The following SON variants were observed in gnomAD, a reference collection of about 807,000 sequenced individuals.
SON encodes protein SON.
Under a neutral mutation model 173.3 loss-of-function variants are expected in SON, and 4 were observed. That is an observed-to-expected ratio of 0.02 (90% CI 0.01 to 0.05). The LOEUF (loss-of-function observed/expected upper bound fraction) is 0.05, where lower values mean the gene tolerates loss of function less well. Among genes scored for constraint, SON ranks in the 10% least tolerant of loss-of-function variants. The probability of loss-of-function intolerance (pLI) is 1.00; values close to 1 mark genes in which losing one functional copy is unlikely to be tolerated. For missense variants in SON, 2,626 were observed against 3,055.3 expected, an observed-to-expected ratio of 0.86 and a Z score of 3.31; for synonymous variants, 1,190 against 1,105.9, an observed-to-expected ratio of 1.08 and a Z score of -1.51.
At chr21:33,560,277 T>C in intron 6 of SON, 1 of 1,443,840 alleles carries the variant, frequency 6.9e-7, no homozygotes, top group East Asian at 2.4e-5. Context: ...TTACTGTTTC[T>C]CTGGGTTGTT....
Position 33,576,714 on chromosome 21 carries a change from G to C in SON, c.*290G>C. 2.0e-6 allele frequency: 1 copy of C among 501,984 alleles called. No homozygotes were observed. The highest frequency in any genetic ancestry group is 3.7e-6 in the Non-Finnish European group (1 of 273,752). 31.1% of individuals were successfully genotyped at this position (501,984 alleles called of 1,614,324 possible). A position where few individuals can be genotyped will look rare whatever the true frequency, so the allele number is the denominator to read the frequency against. On this transcript the variant is annotated 3_prime_UTR_variant, in exon 12 of 12. Coordinates refer to ENST00000356577, the MANE Select transcript of SON (RefSeq NM_138927.4). ...AAAACATCTCCAGGCTTTGATTTTT[G>C]TACCATGGAAATTGTATTTAACCAT...
At chr21:33,557,343 T>A (rs748354119) in intron 4 of SON, 27 bp downstream of exon 4, 3 of 1,611,808 alleles carry the variant, frequency 1.9e-6, no homozygotes, top group Non-Finnish European at 2.5e-6. Context: ...TTGTTTTCAT[T>A]CTTAAATGGA....
In SON at chr21:33,552,494, C is replaced by T; in HGVS notation, c.3263C>T (p.Ala1088Val). 2 of 1,614,010 alleles carry T rather than the reference C, an allele frequency of 1.2e-6. No homozygotes were observed. Among genetic ancestry groups the T allele is most frequent in the Non-Finnish European group, 1.7e-6 (2 of 1,179,980 alleles). The change falls in exon 3 of 12, where the codon GCT becomes GTT. Residue 1088 changes from alanine to valine, a missense_variant. Ala to Val is a moderately conservative substitution (Grantham distance 64). This residue lies in a region of SON where 366 missense variants were observed against 448.6 expected (regional missense o/e 0.82). Transcript: ENST00000356577. The surrounding 1 kb of genome is among the most constrained non-coding windows in gnomAD (Gnocchi z 5.6). ...GATCGATCTATGATGTCCATGGGTG[C>T]TGACCGGTCTATGATGTCGTCATAC... ...MADRSMMSMGADRSMMSSYSA... is the reference protein window; with the variant it reads ...MADRSMMSMGVDRSMMSSYSA...
At chr21:33,573,723 T>C (rs2086338167) in intron 9 of SON, among the ~76,000 whole-genome samples, 2 of 152,258 alleles carry the variant, frequency 1.3e-5, no homozygotes, top group Non-Finnish European at 2.9e-5. Context: ...ATTTTATTAT[T>C]ACACCTCCAA....
intron 7 of SON, 131 bp from the exon 8 acceptor site, chr21:33,568,840 A>G: frequency 1.7e-6 from 1 of 587,200 alleles, no homozygotes; most frequent in Non-Finnish European, 3.1e-6. Context: ...TTAGGCAAAC[A>G]TTTAATGTTA....
rs2085614670 is a variant in SON at position 33,546,282 on chromosome 21, A to G, written c.147A>G (p.Ala49=). 1.2e-6 allele frequency: 2 copies of G among 1,613,862 alleles called. No individual in the cohort carries two copies. Among genetic ancestry groups the G allele is most frequent in the Middle Eastern group, 1.6e-4 (1 of 6,062 alleles). ...TPIEGNQAGD[A]AASARSLPNE... is the part of the protein sequence containing the mutation. ...TTGAAGGAAACCAGGCGGGTGATGC[A>G]GCTGCCTCTGCCAGGAGTCTACCAA... is the stretch of plus-strand genomic sequence containing the variant. Residue 49 remains alanine (A), a synonymous_variant, in exon 2 of 12, where the codon GCA becomes GCG. Transcript: ENST00000356577.
Position 33,549,514 on chromosome 21 carries a change from G to A in SON, c.283G>A (p.Val95Ile). 1 of 1,568,098 alleles carries A rather than the reference G, an allele frequency of 6.4e-7. No individual in the cohort carries two copies. The highest frequency in any genetic ancestry group is 8.6e-7 in the Non-Finnish European group (1 of 1,165,946). ...EGSRKSRCVS[V>I]QTDPTDEIPT... ...CTCCAGAAAAAGTAGATGCGTATCT[G>A]TACAAACAGATCCTACTGATGAAAT... The change falls in exon 3 of 12, where the codon GTA becomes ATA. Residue 95 changes from valine to isoleucine, a missense_variant. Transcript: ENST00000356577.
chr21:33,569,913 G>A (rs551433379), intron 8 of SON: 49 of 173,280 alleles, frequency 2.8e-4, no homozygotes, highest in Non-Finnish European at 5.3e-4. Context: ...GAGAATGGAC[G>A]CCTCGTGCTA....
intron 8 of SON, chr21:33,569,855 C>T (rs1022884453): frequency 5.1e-6 from 1 of 195,768 alleles, no homozygotes; most frequent in South Asian, 6.5e-5. Context: ...AATTTGAGAA[C>T]CACTAATTTC....
In SON at chr21:33,553,746, T is replaced by C. The variant is rs1490595159; in HGVS notation, c.4515T>C (p.Ile1505=). 2 of 1,613,948 alleles carry C rather than the reference T, an allele frequency of 1.2e-6. No homozygotes were observed. Among genetic ancestry groups the C allele is most frequent in the South Asian group, 1.1e-5 (1 of 91,084 alleles). ...CTCCAGAGATTGGCATGCAGGAGAT[T>C]GCATTGCATTCAGGTGAAGAACCAC... ...NLAPEIGMQE[I]ALHSGEEPHA... is the part of the protein sequence containing the mutation. The change falls in exon 3 of 12, where the codon ATT becomes ATC. Residue 1505 remains isoleucine, a synonymous_variant. Coordinates refer to ENST00000356577, the MANE Select transcript of SON (RefSeq NM_138927.4).
rs1238412890 is a variant in SON, at chr21:33,549,395, G to A, written c.245-81G>A. 4 of 1,240,526 alleles carry A rather than the reference G, an allele frequency of 3.2e-6. No individual in the cohort carries two copies. The South Asian group carries it at 4.9e-5, about 15-fold the overall frequency. 76.8% of individuals were successfully genotyped at this position (1,240,526 alleles called of 1,614,324 possible). A position where few individuals can be genotyped will look rare whatever the true frequency, so the allele number is the denominator to read the frequency against. On this transcript the variant is annotated intron_variant, in intron 2 of 11. Transcript: ENST00000356577. ...GCCTGTACTAAGGTGTTTTAACATG[G>A]AATGTAAATATGGGTTTATATGATT...
At chr21:33,573,485 A>G (rs375052204) in intron 9 of SON, 30 bp downstream of exon 9, 6 of 1,592,466 alleles carry the variant, frequency 3.8e-6, no homozygotes, top group Admixed American at 3.5e-5. Flanking sequence ...AATGTTTATT[A>G]ACGTCTCCTT....
At position 33,550,457 on chromosome 21, in the gene SON, C is replaced by T. The variant is rs758902408; in HGVS notation, c.1226C>T (p.Ser409Phe). The T allele has an allele frequency of 3.7e-6, 6 of 1,613,952 alleles. No individual in the cohort carries two copies. The South Asian group carries it at 4.4e-5, about 12-fold the overall frequency. ...VTPVLELPGP[S>F]ATPVPELPGP... ...CCAGTGCTGGAGTTACCTGGGCCCT[C>T]TGCTACCCCGGTGCCAGAGTTGCCA... The change falls in exon 3 of 12, where the codon TCT (serine) becomes TTT (phenylalanine). Residue 409 changes from serine to phenylalanine, a missense_variant. Ser to Phe is a radical substitution (Grantham distance 155, BLOSUM62 -2). Around this residue, in one of 13 missense-constraint regions of SON, gnomAD observed 757 missense variants for 730.1 expected, o/e 1.04. Transcript: ENST00000356577.
At chr21:33,568,830 T>TC in intron 7 of SON, 141 bp from the exon 8 acceptor site, 2 of 558,422 alleles carry the variant, frequency 3.6e-6, no homozygotes, top group Non-Finnish European at 6.5e-6. Context: ...TTTAGAAAGT[T>TC]TAGGCAAACA....
intron 6 of SON, among the ~76,000 whole-genome samples, chr21:33,565,257 A>G (rs1286426241): frequency 6.6e-6 from 1 of 152,236 alleles, no homozygotes; most frequent in African/African-American, 2.4e-5. Context: ...ATAGTTGGAA[A>G]TTAGGGATCA....
rs750828700 is a variant in SON at position 33,553,802 on chromosome 21, A to G, written c.4571A>G (p.Tyr1524Cys). ...HAEEHLKGDF[Y>C]ESEHGINIDL... Reference sequence around the variant, plus strand: ...GAGGAACACCTGAAAGGTGACTTTTACGAAAGTGAACATGGTATAAATATA... The same window carrying G: ...GAGGAACACCTGAAAGGTGACTTTTGCGAAAGTGAACATGGTATAAATATA... The change falls in exon 3 of 12, where the codon TAC (tyrosine) becomes TGC (cysteine). Residue 1524 changes from tyrosine to cysteine, a missense_variant. This residue lies in a region of SON where 1,006 missense variants were observed against 895.6 expected (regional missense o/e 1.12). Coordinates refer to ENST00000356577, the MANE Select transcript of SON (RefSeq NM_138927.4). 1 of 1,614,058 alleles carries G rather than the reference A, an allele frequency of 6.2e-7. No individual in the cohort carries two copies.
intron 6 of SON, chr21:33,560,532 G>C: frequency 1.0e-6 from 1 of 994,818 alleles, no homozygotes; most frequent in South Asian, 4.5e-5. Context: ...TAAATAATGT[G>C]CTGCTAAATA....
At chr21:33,571,447 C>T (rs926788080) in intron 8 of SON, among the ~76,000 whole-genome samples, 8 of 152,144 alleles carry the variant, frequency 5.3e-5, no homozygotes, top group African/African-American at 1.7e-4. Flanking sequence ...CAACATCCTC[C>T]GTGTTCTTTT....
At chr21:33,557,989 G>A (rs1372294519) in intron 4 of SON, 4 of 174,414 alleles carry the variant, frequency 2.3e-5, no homozygotes, top group Non-Finnish European at 2.5e-5. Flanking sequence ...GTGGATGGGG[G>A]GAGATGCTAA....
Sources: gnomAD v4.1 joint callset for allele counts (sites outside exome capture counted in the v4.1 genomes callset) on GRCh38, gnomAD v4.1.1 for gene constraint, gnomAD v4.1.1 regional missense constraint, Gnocchi (gnomAD v3.1) non-coding constraint, MANE v1.5 for transcripts, NCBI Gene and HGNC (gene_info 2026-07-23, HGNC 2026-07-21) for gene names.